ABLIM2: variants seen among roughly 807,000 people sequenced by gnomAD.
ABLIM2 encodes actin-binding LIM protein 2.
Under a neutral mutation model 97.7 loss-of-function variants are expected in ABLIM2, and 53 were observed. The ratio of observed to expected loss-of-function variants is 0.54; its 90% CI spans 0.44 to 0.68. ABLIM2 has a LOEUF of 0.68. Among genes scored for constraint, ABLIM2 ranks in the 30% least tolerant of loss-of-function variants. ABLIM2 has a pLI of 0.00. For synonymous variants in ABLIM2, 361 were observed against 345.8 expected (o/e 1.04, Z -0.49); for missense variants, 835 against 867.2 (o/e 0.96, Z 0.47).
intron 20 of ABLIM2, among the ~76,000 whole-genome samples, chr4:7,973,298 C>T (rs375212795): frequency 1.9e-4 from 29 of 151,470 alleles, no homozygotes; most frequent in South Asian, 1.5e-3. Context: ...ATCAGGAGTT[C>T]GTGACCAGCC....
intron 6 of ABLIM2, among the ~76,000 whole-genome samples, chr4:8,076,301 G>C (rs1264811306): frequency 6.6e-6 from 1 of 152,188 alleles, no homozygotes; most frequent in Non-Finnish European, 1.5e-5. Flanking sequence ...GCCACTCTGC[G>C]CTCACTGTTC....
At position 8,022,099 on chromosome 4, in the gene ABLIM2, C is replaced by T. The variant is rs1487494358; in HGVS notation, c.1268-1796G>A. ...ACTACGGCTGTGCTGGACCCATCCC[C>T]ACTGGCAGCAAAACAGGGCAGGTTT... is the stretch of plus-strand genomic sequence containing the variant. On this transcript the variant is annotated intron_variant, in intron 12 of 20. Coordinates refer to ENST00000447017, the MANE Select transcript of ABLIM2 (RefSeq NM_001130083.2). This position sits in a 1 kb window ranked among gnomAD's most constrained non-coding sequence, Gnocchi z 7.8. 6.6e-6 allele frequency among the ~76,000 whole-genome samples: 1 copy of T among 152,222 alleles called. No individual in the cohort carries two copies. The highest frequency in any genetic ancestry group is 2.4e-5 in the African/African-American group (1 of 41,458).
intron 20 of ABLIM2, among the ~76,000 whole-genome samples, chr4:7,982,561 C>T (rs1039145898): frequency 6.6e-6 from 1 of 152,242 alleles, no homozygotes; most frequent in Admixed American, 6.5e-5. Context: ...TCCTTGCTGA[C>T]ACCTTGCCGG....
chr4:8,098,372 G>A (rs1316910327), intron 2 of ABLIM2, among the ~76,000 whole-genome samples: 3 of 152,356 alleles, frequency 2.0e-5, no homozygotes, highest in Non-Finnish European at 2.9e-5. Context: ...AAAGGACGTC[G>A]TTTCTGCACA....
chr4:8,021,839 A>G lies in ABLIM2; in HGVS notation c.1268-1536T>C, dbSNP rs183678077. Among the ~76,000 whole-genome samples the G allele has an allele frequency of 2.0e-5, 3 of 152,312 alleles. No individual in the cohort carries two copies. The highest frequency in any genetic ancestry group is 4.4e-5 in the Non-Finnish European group (3 of 68,026). On this transcript the variant is annotated intron_variant, in intron 12 of 20. Coordinates refer to ENST00000447017, the MANE Select transcript of ABLIM2 (RefSeq NM_001130083.2). The surrounding 1 kb of genome is among the most constrained non-coding windows in gnomAD (Gnocchi z 5.5). ...TGATTTTGCCTGTCAATGCTGATGG[A>G]GCGTCAGATAACTGCCCTTCCCTTA... is the stretch of plus-strand genomic sequence containing the variant.
rs1792315508 is a variant in ABLIM2 at position 8,046,227 on chromosome 4, C to T, written c.823-986G>A. 6.6e-6 allele frequency among the ~76,000 whole-genome samples: 1 copy of T among 152,106 alleles called. No individual in the cohort carries two copies. The highest frequency in any genetic ancestry group is 2.4e-5 in the African/African-American group (1 of 41,406). The stretch of plus-strand genomic sequence containing the variant: ...GATGGTTTTTGTGACTGTCCTGCCT[C>T]TCCCCCCACCTCAGCCCCCTCCAGC... On this transcript the variant is annotated intron_variant, in intron 8 of 20. Transcript: ENST00000447017. This position sits in a 1 kb window ranked among gnomAD's most constrained non-coding sequence, Gnocchi z 4.4.
intron 18 of ABLIM2, among the ~76,000 whole-genome samples, chr4:7,984,519 C>T (rs190660670): frequency 1.9e-4 from 29 of 152,240 alleles, no homozygotes; most frequent in African/African-American, 6.3e-4. Flanking sequence ...GGCCCAGCGC[C>T]GTCCCGCTCA....
rs968626893 is a variant in ABLIM2, at chr4:8,140,081, A to G, written c.10+18599T>C. ...AACACATGGAAACGGGGAGACGAAC[A>G]ACACACACTAGGGCCTGTCAGAGGG... On this transcript the variant is annotated intron_variant, in intron 1 of 20. Coordinates refer to ENST00000447017, the MANE Select transcript of ABLIM2 (RefSeq NM_001130083.2). The surrounding 1 kb of genome is among the most constrained non-coding windows in gnomAD (Gnocchi z 5.9). 3.3e-4 allele frequency among the ~76,000 whole-genome samples: 41 copies of G among 124,170 alleles called. No individual in the cohort carries two copies. In the Admixed American group the frequency reaches 4.1e-3, roughly 12 times the overall value. The allele number at this position is 124,170 out of a possible 152,430, so 81.5% of individuals were successfully genotyped here. A position where few individuals can be genotyped will look rare whatever the true frequency, so the allele number is the denominator to read the frequency against.
chr4:8,063,156 C>T (rs1804535533), intron 6 of ABLIM2, among the ~76,000 whole-genome samples: 1 of 152,306 alleles, frequency 6.6e-6, no homozygotes, highest in Admixed American at 6.5e-5. Context: ...ACCTCTGCCT[C>T]CCGGGTTCAA....
Position 8,036,290 on chromosome 4 carries a change from C to T in ABLIM2, c.906G>A (p.Lys302=), listed in dbSNP as rs771793964. 6.2e-7 allele frequency: 1 copy of T among 1,613,656 alleles called. No homozygotes were observed. Among genetic ancestry groups the T allele is most frequent in the Non-Finnish European group, 8.5e-7 (1 of 1,179,682 alleles). Residue 302 remains lysine, a synonymous_variant, in exon 10 of 21, where the codon AAG becomes AAA. Coordinates refer to ENST00000447017, the MANE Select transcript of ABLIM2 (RefSeq NM_001130083.2). ...SGSPSRVIYA[K]LGGEILDYRD... ...TGTAGTCCAGGATCTCACCACCAAG[C>T]TTGGCCTGAGAGGGGAAAGAGAATT...
Position 7,966,943 on chromosome 4 carries a change from C to T in ABLIM2, c.*47G>A, listed in dbSNP as rs1303648166. On this transcript the variant is annotated 3_prime_UTR_variant, in exon 21 of 21. Transcript: ENST00000447017. Reference sequence around the variant, plus strand: ...GTGTGTGCGGTTCTCGCCAGGGGCCCCTGGCCTCGGCGCCCGGCACACACC... The same window carrying T: ...GTGTGTGCGGTTCTCGCCAGGGGCCTCTGGCCTCGGCGCCCGGCACACACC... The T allele has an allele frequency of 7.3e-7, 1 of 1,365,384 alleles. No homozygotes were observed. The highest frequency in any genetic ancestry group is 1.5e-5 in the African/African-American group (1 of 68,002). 84.6% of individuals were successfully genotyped at this position (1,365,384 alleles called of 1,614,324 possible).
chr4:8,125,524 C>T lies in ABLIM2; in HGVS notation c.11-18887G>A, dbSNP rs373887113. 6.6e-5 allele frequency among the ~76,000 whole-genome samples: 10 copies of T among 152,024 alleles called. No homozygotes were observed. Among genetic ancestry groups the T allele is most frequent in the African/African-American group, 1.9e-4 (8 of 41,410 alleles). ...GCTTCTGGGATGGCTCTGCCATCAGCGTTGACGGTCTGGTCCATCTACCAC... is the reference window on the plus strand; with the variant it reads ...GCTTCTGGGATGGCTCTGCCATCAGTGTTGACGGTCTGGTCCATCTACCAC... On this transcript the variant is annotated intron_variant, in intron 1 of 20. Transcript: ENST00000447017. This position sits in a 1 kb window ranked among gnomAD's most constrained non-coding sequence, Gnocchi z 6.2.
chr4:7,974,533 A>G (rs1291350911), intron 20 of ABLIM2, among the ~76,000 whole-genome samples: 1 of 148,670 alleles, frequency 6.7e-6, no homozygotes, highest in Non-Finnish European at 1.5e-5. Context: ...CCATGCATTA[A>G]TCCACCCATC....
chr4:8,135,176 G>A (rs1334344175), intron 1 of ABLIM2, among the ~76,000 whole-genome samples: 1 of 152,216 alleles, frequency 6.6e-6, no homozygotes, highest in Non-Finnish European at 1.5e-5. Flanking sequence ...GAACATTCCA[G>A]AATAAAAGCT....
At chr4:8,007,060 A>C in intron 16 of ABLIM2, 1 of 985,300 alleles carries the variant, frequency 1.0e-6, no homozygotes, top group Non-Finnish European at 1.2e-6. Context: ...ACACATCATC[A>C]TTTCCAAGCT....
chr4:8,088,347 G>A (rs1825196163), intron 3 of ABLIM2, 63 bp from the exon 4 acceptor site: 1 of 1,353,974 alleles, frequency 7.4e-7, no homozygotes, highest in African/African-American at 1.4e-5. Flanking sequence ...GGGGAGCCCT[G>A]TCCCAGTGCA....
At chr4:7,985,975 C>T (rs973177564) in intron 17 of ABLIM2, among the ~76,000 whole-genome samples, 3 of 152,198 alleles carry the variant, frequency 2.0e-5, no homozygotes, top group Admixed American at 6.5e-5. Context: ...TGCTGGGGCC[C>T]GGGGTTCGCA....
chr4:8,007,560 C>T (rs2150386826), intron 16 of ABLIM2: 1 of 986,448 alleles, frequency 1.0e-6, no homozygotes, highest in African/African-American at 1.7e-5. Context: ...ATTCAGTCTT[C>T]AAAACACCCC....
chr4:8,137,051 C>G lies in ABLIM2; in HGVS notation c.10+21629G>C, dbSNP rs560921694. Among the ~76,000 whole-genome samples the G allele has an allele frequency of 9.8e-5, 15 of 152,316 alleles. No homozygotes were observed. The South Asian group carries it at 3.1e-3, about 32-fold the overall frequency. On this transcript the variant is annotated intron_variant, in intron 1 of 20. Transcript: ENST00000447017. ...TGAGAAGGCCCCATCTATGAGGAGGCGGCCCCCAACAGAGCCCACTCTCCG... is the reference window on the plus strand; with the variant it reads ...TGAGAAGGCCCCATCTATGAGGAGGGGGCCCCCAACAGAGCCCACTCTCCG...
Sources: allele counts gnomAD v4.1 joint callset (sites outside exome capture counted in the v4.1 genomes callset), GRCh38; gene constraint gnomAD v4.1.1; non-coding constraint Gnocchi (gnomAD v3.1); transcripts MANE v1.5; gene names NCBI Gene and HGNC (gene_info 2026-07-23, HGNC 2026-07-21).